Variants in CCDC57 observed in about 807,000 individuals in gnomAD.
The protein encoded by CCDC57 is coiled-coil domain-containing protein 57.
A neutral mutation model predicts 118.9 loss-of-function variants in CCDC57; 118 were observed. The observed-to-expected ratio is 0.99, with a 90% CI of 0.86 to 1.16. CCDC57 has a LOEUF of 1.16. Ranked by LOEUF, CCDC57 falls within the 50% of genes most tolerant of loss-of-function variation. CCDC57 has a pLI of 0.00. For synonymous variants in CCDC57, 527 were observed against 532.9 expected (o/e 0.99, Z 0.15); for missense variants, 1,300 against 1,320.7 (o/e 0.98, Z 0.24).
chr17:82,114,545 T>G (rs1015997859), intron 19 of CCDC57, among the ~76,000 whole-genome samples: 2 of 151,326 alleles, frequency 1.3e-5, no homozygotes, highest in Admixed American at 1.3e-4. Context: ...AGGGAGGGAG[T>G]GTGTCCTCGG....
At position 82,172,867 on chromosome 17, in the gene CCDC57, A is replaced by G; in HGVS notation, c.1507-7T>C. 1 of 1,605,088 alleles carries G rather than the reference A, an allele frequency of 6.2e-7. No homozygotes were observed. ...CATGCTGCCTGAGAAGCATCTGTCA[A>G]ATACAAGGAAAAATGGCTACAAAAA... On this transcript the variant is annotated splice_polypyrimidine_tract_variant and splice_region_variant and intron_variant, in intron 11 of 19. Transcript: ENST00000665763. The surrounding 1 kb of genome is among the most constrained non-coding windows in gnomAD (Gnocchi z 5.2).
intron 19 of CCDC57, among the ~76,000 whole-genome samples, chr17:82,123,895 T>C (rs185536432): frequency 3.7e-4 from 56 of 150,212 alleles, no homozygotes; most frequent in African/African-American, 1.2e-3. Flanking sequence ...TTTGGCTGCA[T>C]TGGTCAGAAA....
At chr17:82,127,617 C>A in intron 19 of CCDC57, 75 bp downstream of exon 18, 2 of 1,509,104 alleles carry the variant, frequency 1.3e-6, no homozygotes, top group Non-Finnish European at 1.8e-6. Flanking sequence ...TGCTGACTCT[C>A]CACATGCCCC....
At chr17:82,104,756 G>A (rs2034723434) in intron 19 of CCDC57, 1 of 152,208 alleles carries the variant, frequency 6.6e-6, no homozygotes, top group Non-Finnish European at 1.5e-5. Context: ...AACCAGGATG[G>A]TCTCGATCTC....
chr17:82,113,217 T>C (rs1046299866), intron 19 of CCDC57: 1 of 601,586 alleles, frequency 1.7e-6, no homozygotes, highest in Non-Finnish European at 3.0e-6. Flanking sequence ...TGATAATCAG[T>C]GAAGGCGGGG....
chr17:82,145,092 G>C (rs1194241658), intron 16 of CCDC57, among the ~76,000 whole-genome samples: 1 of 140,220 alleles, frequency 7.1e-6, no homozygotes, highest in Admixed American at 7.5e-5. Context: ...GCTTGATCTT[G>C]GCTCACAGCA....
intron 16 of CCDC57, among the ~76,000 whole-genome samples, chr17:82,135,604 C>G (rs1451609641): frequency 6.6e-6 from 1 of 152,156 alleles, no homozygotes; most frequent in Admixed American, 6.6e-5. Context: ...ACGTGTTTCC[C>G]TTGGTTTATA....
At chr17:82,184,605 C>T (rs978527707) in intron 8 of CCDC57, among the ~76,000 whole-genome samples, 6 of 152,338 alleles carry the variant, frequency 3.9e-5, no homozygotes, top group East Asian at 1.9e-4. Context: ...GATGGGAAGA[C>T]GGCCCACAAG....
rs11651714 is a variant in CCDC57 at position 82,102,796 on chromosome 17, A to G, written c.2900-930T>C. Reference sequence around the variant, plus strand: ...GCTACTTAGGAGGCTGAGGCAGCGGAGTCGCTTGAACCCGGGAGGCAGAGG... The same window carrying G: ...GCTACTTAGGAGGCTGAGGCAGCGGGGTCGCTTGAACCCGGGAGGCAGAGG... On this transcript the variant is annotated intron_variant, in intron 19 of 19. Coordinates refer to ENST00000665763, the Ensembl canonical transcript of CCDC57. 7.5e-3 allele frequency among the ~76,000 whole-genome samples: 1,132 copies of G among 151,912 alleles called. 6 individuals are homozygous for G. Among genetic ancestry groups the G allele is most frequent in the Admixed American group, 0.013 (191 of 15,248 alleles).
intron 19 of CCDC57, among the ~76,000 whole-genome samples, chr17:82,109,585 C>T (rs111917842): frequency 0.015 from 2,212 of 152,226 alleles, 33 homozygotes; most frequent in South Asian, 0.048. Context: ...CGGCCAGGCG[C>T]GGTGGCTCAC....
At chr17:82,102,729 C>A (rs1275760618) in intron 19 of CCDC57, among the ~76,000 whole-genome samples, 2 of 151,914 alleles carry the variant, frequency 1.3e-5, no homozygotes, top group East Asian at 1.9e-4. Flanking sequence ...ACTAAAAATA[C>A]AAAAAATTAG....
intron 4 of CCDC57, among the ~76,000 whole-genome samples, chr17:82,197,249 G>T (rs1360986133): frequency 4.6e-5 from 7 of 151,782 alleles, no homozygotes; most frequent in African/African-American, 1.7e-4. Flanking sequence ...CACCTGCAGA[G>T]ACGCAGCCCC....
At chr17:82,168,547 G>A (rs781325541) in intron 13 of CCDC57, among the ~76,000 whole-genome samples, 17 of 152,236 alleles carry the variant, frequency 1.1e-4, no homozygotes, top group Non-Finnish European at 2.2e-4. Context: ...GCAGTGAGCC[G>A]AGATTGTGCC....
chr17:82,133,813 T>C (rs1044164056), intron 17 of CCDC57, among the ~76,000 whole-genome samples: 2 of 151,820 alleles, frequency 1.3e-5, no homozygotes, highest in Non-Finnish European at 2.9e-5. Context: ...TGAGCCGAGA[T>C]TGCACCACTG....
In CCDC57 at chr17:82,171,713, T is replaced by A. The variant is rs754726060; in HGVS notation, c.1870A>T (p.Thr624Ser). ...GACGCGGACTTACCAGTCGTCTCTG[T>A]CGAGGTGCGGACGCTGGGCTGAGAC... Residue 624 changes from threonine to serine, a missense_variant, in exon 13 of 20, where the codon ACA (threonine) becomes TCA (serine). Coordinates refer to ENST00000665763, the Ensembl canonical transcript of CCDC57. The A allele has an allele frequency of 4.3e-6, 7 of 1,612,234 alleles. No homozygotes were observed. In the East Asian group the frequency reaches 1.6e-4, roughly 36 times the overall value.
chr17:82,184,031 G>GCGCGCGCACGCACACA, intron 8 of CCDC57, 99 bp from the exon 8 acceptor site: 3 of 131,860 alleles, frequency 2.3e-5, no homozygotes, highest in African/African-American at 4.2e-5. Context: ...GCGCGCGCGC[G>GCGCGCGCACGCACACA]CACACACACA....
intron 3 of CCDC57, 81 bp downstream of exon 2, chr17:82,201,457 T>C: frequency 7.0e-7 from 1 of 1,437,516 alleles, no homozygotes; most frequent in East Asian, 2.5e-5. Context: ...TGGGCAGTGC[T>C]CGGGCAGCAC....
At chr17:82,133,957 C>T (rs1046427048) in intron 17 of CCDC57, 116 bp downstream of exon 16, 2 of 1,056,854 alleles carry the variant, frequency 1.9e-6, no homozygotes, top group Non-Finnish European at 2.5e-6. Context: ...TATCTGGATC[C>T]TGAAAATTGG....
intron 16 of CCDC57, among the ~76,000 whole-genome samples, chr17:82,137,408 C>T (rs548273864): frequency 3.9e-5 from 6 of 152,358 alleles, no homozygotes; most frequent in Non-Finnish European, 8.8e-5. Context: ...AGCAAAGGTG[C>T]TGTCTTACCA....
Sources: allele counts gnomAD v4.1 joint callset (sites outside exome capture counted in the v4.1 genomes callset), GRCh38; gene constraint gnomAD v4.1.1; non-coding constraint Gnocchi (gnomAD v3.1); transcripts MANE v1.5; gene names NCBI Gene and HGNC (gene_info 2026-07-23, HGNC 2026-07-21).